The following TSPAN8 variants were observed in gnomAD, a reference collection of about 807,000 sequenced individuals.
The protein encoded by TSPAN8 is tetraspanin 8.
TSPAN8 carries 21 observed loss-of-function variants against 32.8 expected under a neutral mutation model. The observed-to-expected ratio is 0.64, with a 90% confidence interval of 0.45 to 0.92. The LOEUF is 0.92. Among genes scored for constraint, TSPAN8 ranks in the 40% least tolerant of loss-of-function variants. TSPAN8 has a pLI of 0.00. For missense variants in TSPAN8, 269 were observed against 281.9 expected (o/e 0.95, Z 0.33); for synonymous variants, 95 against 94.6 (o/e 1.00, Z -0.03).
chr12:71,135,549 GAGA>G (rs1455912393), intron 6 of TSPAN8, among the ~76,000 whole-genome samples: 5 of 145,724 alleles, frequency 3.4e-5, no homozygotes, highest in African/African-American at 1.3e-4. Context: ...AGGAAAGAAG[GAGA>G]AGAAGGAGGA....
intron 2 of TSPAN8, among the ~76,000 whole-genome samples, chr12:71,144,705 G>A (rs1186905949): frequency 3.9e-5 from 6 of 152,020 alleles, no homozygotes; most frequent in African/African-American, 7.2e-5. Context: ...TAAAACATAC[G>A]ACAAGATGTG....
intron 2 of TSPAN8, among the ~76,000 whole-genome samples, chr12:71,146,107 G>A (rs914020686): frequency 9.9e-5 from 15 of 152,018 alleles, no homozygotes; most frequent in African/African-American, 3.6e-4. Context: ...AAAATTTTCT[G>A]TAACATTAAC....
intron 2 of TSPAN8, among the ~76,000 whole-genome samples, chr12:71,151,150 G>A (rs947603638): frequency 3.5e-4 from 53 of 150,406 alleles, no homozygotes; most frequent in Admixed American, 4.7e-4. Context: ...TACAAGCTCC[G>A]CCTCCCGGGT....
Position 71,157,606 on chromosome 12 carries a change from G to A in TSPAN8, c.60+13C>T. On this transcript the variant is annotated intron_variant, in intron 2 of 8. Transcript: ENST00000247829. ...TCTTGCATAAAATTGATAATTAAAA[G>A]GAAAACACTTACCCAGAACAAGAAG... 1 of 1,588,374 alleles carries A rather than the reference G, an allele frequency of 6.3e-7. No homozygotes were observed. The highest frequency in any genetic ancestry group is 8.6e-7 in the Non-Finnish European group (1 of 1,157,112).
rs918482870 is a variant in TSPAN8, at chr12:71,144,039, C to G, written c.123+112G>C. On this transcript the variant is annotated intron_variant, in intron 3 of 8. Coordinates refer to ENST00000247829, the MANE Select transcript of TSPAN8 (RefSeq NM_004616.3). ...TAACAGCACAAGTGATTACATGAAG[C>G]AGTTAAGAAAAATGTTTTAGACATG... 3.6e-6 allele frequency: 3 copies of G among 836,302 alleles called. No individual in the cohort carries two copies. The South Asian group carries it at 5.7e-5, about 16-fold the overall frequency. 51.8% of individuals were successfully genotyped at this position (836,302 alleles called of 1,614,324 possible). A position where few individuals can be genotyped will look rare whatever the true frequency, so the allele number is the denominator to read the frequency against.
chr12:71,129,951 C>CT (rs35715058), intron 7 of TSPAN8, among the ~76,000 whole-genome samples: 3,330 of 140,170 alleles, frequency 0.024, 129 homozygotes, highest in African/African-American at 0.081. Context: ...TTCTTTCTTT[C>CT]TTTTTTTTTT....
At chr12:71,142,377 C>T (rs11178651) in intron 3 of TSPAN8, among the ~76,000 whole-genome samples, 48,296 of 152,024 alleles carry the variant, frequency 0.32, 8,514 homozygotes, top group Non-Finnish European at 0.41. Context: ...ACAGACTAAA[C>T]ACCAAATTTG....
intron 3 of TSPAN8, among the ~76,000 whole-genome samples, chr12:71,140,216 C>A (rs917981524): frequency 1.8e-4 from 27 of 152,070 alleles, no homozygotes; most frequent in African/African-American, 6.3e-4. Context: ...GTTTTTAATT[C>A]TTTAAAAAGT....
intron 6 of TSPAN8, among the ~76,000 whole-genome samples, 200 bp from the exon 7 acceptor site, chr12:71,133,024 T>C (rs111334826): frequency 3.3e-5 from 5 of 152,278 alleles, no homozygotes; most frequent in African/African-American, 1.2e-4. Context: ...GATGGAAAAA[T>C]GGAGTTGCAG....
intron 2 of TSPAN8, among the ~76,000 whole-genome samples, chr12:71,147,509 T>C (rs1872114245): frequency 6.6e-6 from 1 of 152,186 alleles, no homozygotes; most frequent in African/African-American, 2.4e-5. Context: ...TGCAAGTGGA[T>C]AACTACAAGA....
chr12:71,131,296 C>T (rs555876809), intron 7 of TSPAN8, among the ~76,000 whole-genome samples: 9 of 151,928 alleles, frequency 5.9e-5, no homozygotes, highest in African/African-American at 9.7e-5. Context: ...CAATGAAAAA[C>T]GCAATATAAC....
At chr12:71,156,184 C>T (rs1354882260) in intron 2 of TSPAN8, among the ~76,000 whole-genome samples, 1 of 146,072 alleles carries the variant, frequency 6.8e-6, no homozygotes, top group African/African-American at 2.6e-5. Context: ...CTTTCTGTGG[C>T]CACCTGGGCT....
intron 2 of TSPAN8, chr12:71,157,397 A>G: frequency 2.2e-6 from 1 of 455,890 alleles, no homozygotes; most frequent in Non-Finnish European, 3.9e-6. Context: ...ACATTTATGA[A>G]ATGTTTATCC....
chr12:71,137,950 T>G lies in TSPAN8; in HGVS notation c.444+3A>C, dbSNP rs1387510154. 6.2e-7 allele frequency: 1 copy of G among 1,609,690 alleles called. No individual in the cohort carries two copies. The highest frequency in any genetic ancestry group is 2.2e-5 in the East Asian group (1 of 44,850). On this transcript the variant is annotated splice_donor_region_variant and intron_variant, in intron 6 of 8. Transcript: ENST00000247829. ...TTTAAAATGAACAATGAATTCTAAT[T>G]ACCTCTTCTTGAAACACAATTATGG...
chr12:71,135,656 C>T (rs1269286015), intron 6 of TSPAN8, among the ~76,000 whole-genome samples: 1 of 152,128 alleles, frequency 6.6e-6, no homozygotes, highest in Admixed American at 6.5e-5. Context: ...AGCAAGAGCA[C>T]TTCAGGAGAA....
At chr12:71,137,551 G>A (rs1378240766) in intron 6 of TSPAN8, among the ~76,000 whole-genome samples, 2 of 152,002 alleles carry the variant, frequency 1.3e-5, no homozygotes, top group Non-Finnish European at 2.9e-5. Context: ...AGCGAGCCAA[G>A]ATTGCACCAC....
chr12:71,128,321 C>T (rs573045792), intron 8 of TSPAN8, among the ~76,000 whole-genome samples: 1 of 152,198 alleles, frequency 6.6e-6, no homozygotes, highest in Non-Finnish European at 1.5e-5. Context: ...TGCTTCATTC[C>T]CAGTTAAAAT....
In TSPAN8 at chr12:71,129,419, TAAA is replaced by T. The variant is rs143821581; in HGVS notation, c.577-8_577-6del. The T allele has an allele frequency of 3.4e-4, 473 of 1,382,748 alleles. No individual in the cohort carries two copies. The highest frequency in any genetic ancestry group is 7.6e-4 in the African/African-American group (50 of 65,418). The allele number at this position is 1,382,748 out of a possible 1,614,324, so 85.7% of individuals were successfully genotyped here. On this transcript the variant is annotated splice_region_variant and splice_polypyrimidine_tract_variant and intron_variant, in intron 7 of 8. Transcript: ENST00000247829. ...TTTTATGAAAGAAATACAGGTCTGT[TAAA>T]AAAAAAAAACATTAAAAGTTACCTC...
chr12:71,138,476 T>C (rs888735558), intron 4 of TSPAN8, among the ~76,000 whole-genome samples: 2 of 152,200 alleles, frequency 1.3e-5, no homozygotes, highest in Non-Finnish European at 2.9e-5. Context: ...CAACCATTGA[T>C]ATCTGTATGA....
Sources: allele counts gnomAD v4.1 joint callset (sites outside exome capture counted in the v4.1 genomes callset), GRCh38; gene constraint gnomAD v4.1.1; transcripts MANE v1.5; gene names NCBI Gene and HGNC (gene_info 2026-07-23, HGNC 2026-07-21).